The following ATP10D variants were observed in gnomAD, a reference collection of about 807,000 sequenced individuals.
ATP10D encodes the protein ATPase phospholipid transporting 10D (putative), also known as phospholipid-transporting ATPase VD.
In ATP10D, 89 loss-of-function variants were observed where a neutral mutation model predicts 144.8. The observed-to-expected ratio is 0.61, with a 90% CI of 0.52 to 0.73. The LOEUF (loss-of-function observed/expected upper bound fraction) is 0.73. Among genes scored for constraint, ATP10D ranks in the 30% least tolerant of loss-of-function variants. The pLI, the probability that ATP10D is intolerant of heterozygous loss-of-function variation, is 0.00. For synonymous variants in ATP10D, 571 were observed against 615.1 expected (o/e 0.93, Z 1.06); for missense variants, 1,603 against 1,714.8 (o/e 0.93, Z 1.15).
rs567522003 is a variant in ATP10D, at chr4:47,511,189, T to C, written c.-37-1315T>C. 3.3e-4 allele frequency among the ~76,000 whole-genome samples: 50 copies of C among 152,340 alleles called. No individual in the cohort carries two copies. In the South Asian group the frequency reaches 7.1e-3, roughly 21 times the overall value. On this transcript the variant is annotated intron_variant, in intron 1 of 22. Coordinates refer to ENST00000273859, the MANE Select transcript of ATP10D (RefSeq NM_020453.4). The stretch of plus-strand genomic sequence containing the variant: ...TCGGAGGCAGACTTTTAAAAAATTA[T>C]ATTGAAGAGATAGTAAATGTTATTT...
intron 1 of ATP10D, among the ~76,000 whole-genome samples, chr4:47,500,796 A>G (rs886533767): frequency 2.2e-4 from 34 of 152,182 alleles, no homozygotes; most frequent in African/African-American, 7.2e-4. Flanking sequence ...TCTCAGAAAA[A>G]TAGAAACAAG....
At chr4:47,513,864 G>A (rs1716492972) in intron 2 of ATP10D, among the ~76,000 whole-genome samples, 1 of 152,182 alleles carries the variant, frequency 6.6e-6, no homozygotes, top group African/African-American at 2.4e-5. Flanking sequence ...TGATGGCAGA[G>A]AAAACATTTA....
chr4:47,495,626 A>G (rs938710209), intron 1 of ATP10D, among the ~76,000 whole-genome samples: 1 of 152,176 alleles, frequency 6.6e-6, no homozygotes, highest in Non-Finnish European at 1.5e-5. Context: ...CCATGTTTAT[A>G]TATTGTATAT....
chr4:47,497,228 G>T (rs1715434442), intron 1 of ATP10D, among the ~76,000 whole-genome samples: 1 of 152,184 alleles, frequency 6.6e-6, no homozygotes, highest in Non-Finnish European at 1.5e-5. Context: ...GGCTGAGGTG[G>T]GCAGATTGCC....
chr4:47,587,972 G>C (rs964650834), intron 22 of ATP10D, among the ~76,000 whole-genome samples: 2 of 152,024 alleles, frequency 1.3e-5, no homozygotes, highest in Non-Finnish European at 2.9e-5. Flanking sequence ...TTATATTTTT[G>C]TTTGTTTGTT....
At chr4:47,553,057 T>C (rs1718802352) in intron 10 of ATP10D, among the ~76,000 whole-genome samples, 1 of 152,242 alleles carries the variant, frequency 6.6e-6, no homozygotes, top group Admixed American at 6.5e-5. Context: ...ACCTGTGGAA[T>C]CTCATAAGCA....
rs1240935472 is a variant in ATP10D at position 47,557,824 on chromosome 4, T to G, written c.1985T>G (p.Leu662Arg). 1.2e-6 allele frequency: 2 copies of G among 1,614,210 alleles called. No individual in the cohort carries two copies. Among genetic ancestry groups the G allele is most frequent in the South Asian group, 1.1e-5 (1 of 91,086 alleles). ...AACGCCTTTGTGAGCAGACTCCCTCTCTTTAGTCGAATGAAACCAGCTTCA... is the reference window on the plus strand; with the variant it reads ...AACGCCTTTGTGAGCAGACTCCCTCGCTTTAGTCGAATGAAACCAGCTTCA... Reference protein sequence around the residue: ...VPNAFVSRLPLFSRMKPASPV... With the variant: ...VPNAFVSRLPRFSRMKPASPV... Residue 662 changes from leucine to arginine, a missense_variant, in exon 12 of 23, where the codon CTC becomes CGC. Physicochemically the swap from Leu to Arg is moderately radical, Grantham distance 102. Transcript: ENST00000273859.
intron 1 of ATP10D, among the ~76,000 whole-genome samples, chr4:47,501,072 G>C (rs1405316650): frequency 1.4e-5 from 1 of 69,032 alleles, no homozygotes; most frequent in Non-Finnish European, 2.8e-5. Context: ...ATGTAAGCAG[G>C]GTGAGGGTTT....
chr4:47,525,657 A>T lies in ATP10D; in HGVS notation c.776+15A>T. ...CGAGGCTTCCTGTGAGTAATACATG[A>T]TGAACATTTGTGGGTGTAAGTGGAA... On this transcript the variant is annotated intron_variant, in intron 5 of 22. Transcript: ENST00000273859. The T allele has an allele frequency of 6.3e-7, 1 of 1,584,772 alleles. No homozygotes were observed. The highest frequency in any genetic ancestry group is 8.7e-7 in the Non-Finnish European group (1 of 1,153,846).
intron 11 of ATP10D, 77 bp downstream of exon 11, chr4:47,554,991 T>C (rs562217407): frequency 1.7e-6 from 2 of 1,182,530 alleles, no homozygotes; most frequent in East Asian, 2.3e-5. Flanking sequence ...TGTACTGAGC[T>C]TGATATATGG....
At chr4:47,499,163 G>A (rs1715556029) in intron 1 of ATP10D, among the ~76,000 whole-genome samples, 1 of 152,112 alleles carries the variant, frequency 6.6e-6, no homozygotes, top group Admixed American at 6.6e-5. Flanking sequence ...AAGTATTTCA[G>A]GTAATGAGGG....
In ATP10D at chr4:47,491,112, T is replaced by A. The variant is rs1344309974; in HGVS notation, c.-38+5593T>A. On this transcript the variant is annotated intron_variant, in intron 1 of 22. Transcript: ENST00000273859. ...GAACCCAGGTACTTTTCTCTTTGGCTTTTTTCTTTTTCTGATCATTTTCCT... is the reference window on the plus strand; with the variant it reads ...GAACCCAGGTACTTTTCTCTTTGGCATTTTTCTTTTTCTGATCATTTTCCT... 6.8e-6 allele frequency: 5 copies of A among 731,032 alleles called. No individual in the cohort carries two copies. The Admixed American group carries it at 8.9e-5, about 13-fold the overall frequency. 45.3% of individuals were successfully genotyped at this position (731,032 alleles called of 1,614,324 possible).
intron 4 of ATP10D, among the ~76,000 whole-genome samples, chr4:47,524,623 G>A (rs181496108): frequency 6.1e-4 from 93 of 152,336 alleles, no homozygotes; most frequent in Middle Eastern, 6.8e-3. Context: ...TGAATCTGGT[G>A]ACCTCGATTG....
chr4:47,554,843 A>G lies in ATP10D; in HGVS notation c.1753A>G (p.Ile585Val), dbSNP rs1560441760. 2 of 1,614,182 alleles carry G rather than the reference A, an allele frequency of 1.2e-6. No homozygotes were observed. Among genetic ancestry groups the G allele is most frequent in the Non-Finnish European group, 1.7e-6 (2 of 1,180,014 alleles). Reference protein sequence around the residue: ...QNPPMETLYIIDFFIALAICN... With the variant: ...QNPPMETLYIVDFFIALAICN... ...TCCACCAATGGAAACTTTGTACATT[A>G]TCGACTTTTTCATTGCATTGGCAAT... The change falls in exon 11 of 23, where the codon ATC (isoleucine) becomes GTC (valine). Residue 585 changes from isoleucine to valine, a missense_variant. Ile to Val is a conservative substitution (Grantham distance 29). Transcript: ENST00000273859.
At chr4:47,573,161 T>C (rs1720055437) in intron 18 of ATP10D, among the ~76,000 whole-genome samples, 164 bp downstream of exon 18, 1 of 152,214 alleles carries the variant, frequency 6.6e-6, no homozygotes, top group South Asian at 2.1e-4. Context: ...GCTGGGAATG[T>C]GCTATGTTTC....
intron 1 of ATP10D, among the ~76,000 whole-genome samples, chr4:47,507,352 T>C (rs938317326): frequency 2.2e-4 from 34 of 152,184 alleles, no homozygotes; most frequent in Admixed American, 1.3e-3. Flanking sequence ...GAAATTGACA[T>C]TGGCCTCTGG....
intron 21 of ATP10D, among the ~76,000 whole-genome samples, chr4:47,584,376 GTTTT>G (rs879568559): frequency 6.6e-6 from 1 of 151,746 alleles, no homozygotes. Flanking sequence ...TTTTGTTGTT[GTTTT>G]TTGTTTGTTT....
intron 20 of ATP10D, 90 bp from the exon 21 acceptor site, chr4:47,581,870 T>C (rs1417594177): frequency 1.3e-5 from 13 of 1,025,194 alleles, no homozygotes; most frequent in Admixed American, 3.6e-5. Context: ...GTAGAAGGGA[T>C]TCAAGCCTTG....
intron 14 of ATP10D, among the ~76,000 whole-genome samples, chr4:47,561,620 T>A (rs548210144): frequency 6.6e-6 from 1 of 152,264 alleles, no homozygotes; most frequent in East Asian, 1.9e-4. Flanking sequence ...ACTAAGGAAA[T>A]TTATTTTTCT....
Sources: gnomAD v4.1 joint callset for allele counts (sites outside exome capture counted in the v4.1 genomes callset) on GRCh38, gnomAD v4.1.1 for gene constraint, MANE v1.5 for transcripts, NCBI Gene and HGNC (gene_info 2026-07-23, HGNC 2026-07-21) for gene names.